Variants in MAP7D2 observed in about 807,000 individuals in gnomAD.
The protein encoded by MAP7D2 is MAP7 domain containing 2, also known as MAP7 domain-containing protein 2.
In MAP7D2, 33 loss-of-function variants were observed where a neutral mutation model predicts 63.5. The observed-to-expected ratio is 0.52, with a 90% CI of 0.39 to 0.70. The LOEUF is 0.70. Among genes scored for constraint, MAP7D2 ranks in the 30% least tolerant of loss-of-function variants. MAP7D2 has a pLI of 0.00. For synonymous variants in MAP7D2, 224 were observed against 223.7 expected (o/e 1.00, Z -0.01); for missense variants, 626 against 604.0 (o/e 1.04, Z -0.38).
At chrX:20,073,893 T>C (rs1268260144) in intron 1 of MAP7D2, among the ~76,000 whole-genome samples, 2 of 103,306 alleles carry the variant, frequency 1.9e-5, no homozygotes, top group Non-Finnish European at 4.0e-5. Context: ...TCCCAGCACT[T>C]TGAGAGGCCG....
rs766073958 is a variant in MAP7D2, at chrX:20,016,213, G to A, written c.1525C>T (p.Gln509Ter). 1 of 1,198,805 alleles carries A rather than the reference G, an allele frequency of 8.3e-7. No homozygotes were observed. Among genetic ancestry groups the A allele is most frequent in the Non-Finnish European group, 1.1e-6 (1 of 888,737 alleles). Residue 509 changes from glutamine (Q) to a stop codon, truncating the protein, a stop_gained, in exon 11 of 17, where the codon CAG becomes TAG. Transcript: ENST00000379643. LOFTEE classifies it high-confidence loss of function. ...RKRQEEEKKKQEGEEKRKAGE... is the reference protein window; with the variant it reads ...RKRQEEEKKK ...GCCTTTCTTTTCTCTTCCCCTTCCT[G>A]TTTTTTCTTTTCCTCTTCCTGCCGC...
At chrX:20,106,209 A>G (rs777687568) in intron 1 of MAP7D2, among the ~76,000 whole-genome samples, 1 of 112,087 alleles carries the variant, frequency 8.9e-6, no homozygotes, top group East Asian at 2.8e-4. Flanking sequence ...CAGCTTAATA[A>G]TTCCCACAAA....
intron 6 of MAP7D2, among the ~76,000 whole-genome samples, chrX:20,044,749 C>T (rs908563700): frequency 9.9e-5 from 11 of 111,546 alleles, no homozygotes; most frequent in African/African-American, 2.9e-4. Flanking sequence ...TTTGGAGCCA[C>T]AGAGACCTAG....
Position 20,116,822 on chromosome X carries a change from C to T in MAP7D2, c.58G>A (p.Gly20Arg). 8.5e-7 allele frequency: 1 copy of T among 1,182,518 alleles called. No homozygotes were observed. Residue 20 changes from glycine (G) to arginine (R), a missense_variant, in exon 1 of 17, where the codon GGA (glycine) becomes AGA (arginine). Physicochemically the swap from Gly to Arg is moderately radical, Grantham distance 125. Transcript: ENST00000379643. Reference protein sequence around the residue: ...TGSRPEGTARGTSLPGKIAEP... With the variant: ...TGSRPEGTARRTSLPGKIAEP... ...GCGATCTTCCCTGGGAGAGAGGTTC[C>T]CCGCGCAGTCCCCTCAGGCCGGGAT...
At chrX:20,030,159 T>A (rs1263475004) in intron 8 of MAP7D2, among the ~76,000 whole-genome samples, 1 of 112,444 alleles carries the variant, frequency 8.9e-6, no homozygotes, top group African/African-American at 3.2e-5. Flanking sequence ...TACCTTCTCA[T>A]CTATTTAACA....
intron 1 of MAP7D2, among the ~76,000 whole-genome samples, chrX:20,080,151 T>C (rs1352958658): frequency 9.0e-6 from 1 of 110,904 alleles, no homozygotes; most frequent in Non-Finnish European, 1.9e-5. Flanking sequence ...CACAGCATAT[T>C]CTATTCACAG....
chrX:20,080,334 A>G (rs2065746571), intron 1 of MAP7D2, among the ~76,000 whole-genome samples: 1 of 110,320 alleles, frequency 9.1e-6, no homozygotes, highest in Admixed American at 9.8e-5. Context: ...TGTTCATCAC[A>G]GTTTTTTGTG....
intron 1 of MAP7D2, among the ~76,000 whole-genome samples, chrX:20,111,274 C>T (rs762862119): frequency 2.7e-5 from 3 of 111,631 alleles, no homozygotes; most frequent in Admixed American, 9.6e-5. Flanking sequence ...CAACAATTAG[C>T]GGCCATTACT....
At chrX:20,094,540 A>T (rs12557921) in intron 1 of MAP7D2, among the ~76,000 whole-genome samples, 1 of 11,967 alleles carries the variant, frequency 8.4e-5, no homozygotes, top group African/African-American at 2.4e-4. Flanking sequence ...ATATATATAT[A>T]TGTATATATA....
chrX:20,018,253 G>A (rs959176039), intron 10 of MAP7D2, among the ~76,000 whole-genome samples: 1 of 108,824 alleles, frequency 9.2e-6, no homozygotes, highest in Non-Finnish European at 1.9e-5. Context: ...GGCATGAGCC[G>A]CTGCACTTGG....
intron 1 of MAP7D2, chrX:20,116,481 A>C: frequency 1.3e-6 from 1 of 751,514 alleles, no homozygotes; most frequent in East Asian, 8.1e-5. Context: ...CCTCCATCCC[A>C]AACACACCTG....
At chrX:20,077,375 C>G (rs990319765) in intron 1 of MAP7D2, among the ~76,000 whole-genome samples, 1 of 111,462 alleles carries the variant, frequency 9.0e-6, no homozygotes, top group African/African-American at 3.3e-5. Context: ...ATTGCTTGAA[C>G]CTGGGAGGTG....
chrX:20,042,523 G>T lies in MAP7D2; in HGVS notation c.986C>A (p.Pro329Gln), dbSNP rs182748906. 9.1e-6 allele frequency: 11 copies of T among 1,210,899 alleles called. No homozygotes were observed. The Middle Eastern group carries it at 9.2e-4, about 101-fold the overall frequency. The change falls in exon 8 of 17, where the codon CCA becomes CAA. Residue 329 changes from proline to glutamine, a missense_variant. Physicochemically the swap from Pro to Gln is moderately conservative, Grantham distance 76. Transcript: ENST00000379643. ...TTACTTGGATATCACAGGAGAAGAT[G>T]GTCTCTTAGGAATGCCTCCAGAAAA... ...CEFSGGIPKR[P>Q]SSPVISKTAT... is the part of the protein sequence containing the mutation.
chrX:20,091,482 C>T (rs962366402), intron 1 of MAP7D2, among the ~76,000 whole-genome samples: 2 of 109,322 alleles, frequency 1.8e-5, no homozygotes, highest in Non-Finnish European at 3.8e-5. Flanking sequence ...CCAGCCTGGC[C>T]AACATGGTGA....
In MAP7D2 at chrX:20,052,705, C is replaced by A. The variant is rs983386255; in HGVS notation, c.595+173G>T. The stretch of plus-strand genomic sequence containing the variant: ...GACCTGGCTCTAAAGAGCCGTGCCA[C>A]GTTCCAAAGTCCCACTGACAAGGCC... On this transcript the variant is annotated intron_variant, in intron 5 of 16. Coordinates refer to ENST00000379643, the MANE Select transcript of MAP7D2 (RefSeq NM_001168465.2). 3.6e-5 allele frequency among the ~76,000 whole-genome samples: 4 copies of A among 112,395 alleles called. No homozygotes were observed. In the Admixed American group the frequency reaches 3.8e-4, roughly 11 times the overall value.
At chrX:20,008,946 G>A (rs1018615280) in intron 16 of MAP7D2, among the ~76,000 whole-genome samples, 1 of 112,178 alleles carries the variant, frequency 8.9e-6, no homozygotes, top group African/African-American at 3.2e-5. Context: ...AGTGAGGTAA[G>A]TGAACTGAAG....
intron 12 of MAP7D2, among the ~76,000 whole-genome samples, chrX:20,014,196 C>T (rs905957209): frequency 1.8e-5 from 2 of 112,892 alleles, no homozygotes; most frequent in African/African-American, 6.4e-5. Flanking sequence ...TGGCTATATG[C>T]TCTTTACTTA....
intron 1 of MAP7D2, among the ~76,000 whole-genome samples, chrX:20,113,991 G>A (rs757263807): frequency 7.2e-5 from 8 of 110,568 alleles, no homozygotes; most frequent in African/African-American, 9.9e-5. Context: ...AGTACCCTTC[G>A]CAGTCTCCAA....
intron 1 of MAP7D2, among the ~76,000 whole-genome samples, chrX:20,092,490 C>T (rs1199957140): frequency 9.0e-6 from 1 of 111,717 alleles, no homozygotes; most frequent in African/African-American, 3.3e-5. Flanking sequence ...CTGAAAGACC[C>T]GTTCACAAGA....
Sources: allele counts gnomAD v4.1 joint callset (sites outside exome capture counted in the v4.1 genomes callset), GRCh38; gene constraint gnomAD v4.1.1; transcripts MANE v1.5; gene names NCBI Gene and HGNC (gene_info 2026-07-23, HGNC 2026-07-21).